Variants in UBE2G1 observed in about 807,000 individuals in gnomAD.
UBE2G1 encodes ubiquitin-conjugating enzyme E2 G1.
In UBE2G1, 5 loss-of-function variants were observed where a neutral mutation model predicts 22.7. The ratio of observed to expected loss-of-function variants is 0.22; its 90% CI spans 0.12 to 0.46. The LOEUF (loss-of-function observed/expected upper bound fraction) is 0.46. Ranked by LOEUF, UBE2G1 falls within the 20% of genes least tolerant of loss-of-function variation. UBE2G1 has a pLI of 0.99. For missense variants in UBE2G1, 88 were observed against 203.9 expected, an observed-to-expected ratio of 0.43 and a Z score of 3.46; for synonymous variants, 74 against 67.5, an observed-to-expected ratio of 1.10 and a Z score of -0.47.
At chr17:4,318,223 A>G (rs1567522393) in intron 1 of UBE2G1, among the ~76,000 whole-genome samples, 1 of 152,228 alleles carries the variant, frequency 6.6e-6, no homozygotes, top group South Asian at 2.1e-4. Flanking sequence ...ATTGCTCATT[A>G]ATTAGGCTAC....
intron 1 of UBE2G1, among the ~76,000 whole-genome samples, chr17:4,353,812 A>ATTTTT (rs11437680): frequency 2.9e-5 from 3 of 104,846 alleles, no homozygotes; most frequent in Admixed American, 1.1e-4. Flanking sequence ...GCCCGGTCAA[A>ATTTTT]TTTTTTTTTT....
intron 2 of UBE2G1, among the ~76,000 whole-genome samples, chr17:4,306,461 T>C (rs924782266): frequency 1.3e-5 from 2 of 152,048 alleles, no homozygotes; most frequent in African/African-American, 2.4e-5. Flanking sequence ...AGTGCTGGGA[T>C]TGCAGGCATG....
At chr17:4,319,774 T>C (rs1440913325) in intron 1 of UBE2G1, among the ~76,000 whole-genome samples, 2 of 150,522 alleles carry the variant, frequency 1.3e-5, no homozygotes, top group Non-Finnish European at 3.0e-5. Flanking sequence ...CCAAATAAGA[T>C]GGTAATACAC....
chr17:4,324,052 G>A (rs1410683318), intron 1 of UBE2G1, among the ~76,000 whole-genome samples: 1 of 152,214 alleles, frequency 6.6e-6, no homozygotes, highest in African/African-American at 2.4e-5. Flanking sequence ...CCAGTAAAAA[G>A]AGATAATGCA....
intron 4 of UBE2G1, among the ~76,000 whole-genome samples, chr17:4,287,436 G>C (rs962463946): frequency 2.1e-4 from 32 of 152,046 alleles, no homozygotes; most frequent in Admixed American, 1.3e-3. Flanking sequence ...GCTGATAGTT[G>C]AGCATGAACC....
rs201344105 is a variant in UBE2G1, at chr17:4,278,546, CAAGCTAGCATACTATACTCTG to C, written c.*37+4231_*37+4251del. On this transcript the variant is annotated intron_variant, in intron 5 of 5. Coordinates refer to ENST00000396981, the MANE Select transcript of UBE2G1 (RefSeq NM_003342.5). ...TGTGGCCCGCAGGCTGCAGGCTGGA[CAAGCTAGCATACTATACTCTG>C]AATATCAGACAGATGAGTGAAATAT... Among the ~76,000 whole-genome samples, 1,057 of 152,322 alleles carry C rather than the reference CAAGCTAGCATACTATACTCTG, an allele frequency of 6.9e-3. 31 individuals are homozygous for C. Among genetic ancestry groups the C allele is most frequent in the East Asian group, 0.057 (294 of 5,176 alleles).
intron 2 of UBE2G1, chr17:4,302,551 A>C (rs1368790385): frequency 2.6e-6 from 1 of 382,110 alleles, no homozygotes; most frequent in Non-Finnish European, 5.2e-6. Context: ...ACACTGGGGG[A>C]TATTTGTTTT....
intron 2 of UBE2G1, chr17:4,301,603 G>A (rs778556954): frequency 1.4e-5 from 17 of 1,185,148 alleles, no homozygotes; most frequent in Admixed American, 3.4e-5. Context: ...TTAAAAGACC[G>A]AGTATTTGGA....
intron 2 of UBE2G1, chr17:4,302,359 G>A (rs1395554499): frequency 4.1e-6 from 2 of 484,534 alleles, no homozygotes; most frequent in African/African-American, 4.0e-5. Flanking sequence ...TTTATGATGT[G>A]GAGCCCTTGG....
chr17:4,320,741 G>A (rs1206037253), intron 1 of UBE2G1, among the ~76,000 whole-genome samples: 3 of 152,082 alleles, frequency 2.0e-5, no homozygotes, highest in Non-Finnish European at 4.4e-5. Flanking sequence ...AATTTGCTGT[G>A]TATTCTTTCA....
chr17:4,271,641 G>C lies in UBE2G1; in HGVS notation c.*913C>G, dbSNP rs1456575310. On this transcript the variant is annotated 3_prime_UTR_variant, in exon 6 of 6. Coordinates refer to ENST00000396981, the MANE Select transcript of UBE2G1 (RefSeq NM_003342.5). The stretch of plus-strand genomic sequence containing the variant: ...TTGTAATAGCAAACCCAGAAGTTAA[G>C]TAGAAAGCCTGTAGCTGTGCATGCT... The C allele has an allele frequency of 2.0e-5, 3 of 149,334 alleles. No homozygotes were observed. The highest frequency in any genetic ancestry group is 7.5e-5 in the African/African-American group (3 of 40,216). 9.3% of individuals were successfully genotyped at this position (149,334 alleles called of 1,614,324 possible).
At chr17:4,355,611 C>A (rs1278287407) in intron 1 of UBE2G1, among the ~76,000 whole-genome samples, 2 of 143,654 alleles carry the variant, frequency 1.4e-5, no homozygotes, top group African/African-American at 2.6e-5. Flanking sequence ...CACTACACTC[C>A]AGCCTGGGCA....
chr17:4,314,948 T>C (rs768258837), intron 1 of UBE2G1, among the ~76,000 whole-genome samples: 15 of 152,230 alleles, frequency 9.9e-5, no homozygotes, highest in Non-Finnish European at 2.1e-4. Flanking sequence ...ATTCAAACTT[T>C]TTTTAAATTT....
intron 1 of UBE2G1, among the ~76,000 whole-genome samples, chr17:4,325,993 A>C (rs1393193141): frequency 6.6e-6 from 1 of 152,204 alleles, no homozygotes; most frequent in Non-Finnish European, 1.5e-5. Context: ...CTTAAACGTA[A>C]GAGCTAAAAC....
rs1285312947 is a variant in UBE2G1, at chr17:4,270,761, G to A, written c.*1793C>T. 1 of 151,976 alleles carries A rather than the reference G, an allele frequency of 6.6e-6. No individual in the cohort carries two copies. The highest frequency in any genetic ancestry group is 1.5e-5 in the Non-Finnish European group (1 of 67,988). The allele number at this position is 151,976 out of a possible 1,614,324, so 9.4% of individuals were successfully genotyped here. ...TATAAGGTTTGTGGGTTTGTATAAT[G>A]TTTACAGGTTTTTATAACGCTTCAG... On this transcript the variant is annotated 3_prime_UTR_variant, in exon 6 of 6. Transcript: ENST00000396981.
chr17:4,359,275 G>C (rs896934983), intron 1 of UBE2G1, among the ~76,000 whole-genome samples: 3 of 152,110 alleles, frequency 2.0e-5, no homozygotes, highest in Admixed American at 6.5e-5. Context: ...AAAAATTTAA[G>C]GTCTTTGTTT....
chr17:4,334,211 G>A (rs777497953), intron 1 of UBE2G1, among the ~76,000 whole-genome samples: 1 of 151,440 alleles, frequency 6.6e-6, no homozygotes, highest in Non-Finnish European at 1.5e-5. Flanking sequence ...ACAGGCATAA[G>A]CCACCATGCA....
intron 1 of UBE2G1, among the ~76,000 whole-genome samples, chr17:4,326,884 C>T (rs1314064959): frequency 6.6e-6 from 1 of 152,246 alleles, no homozygotes; most frequent in Non-Finnish European, 1.5e-5. Flanking sequence ...ACCTTGCAGC[C>T]AGGTGCAGTG....
At chr17:4,345,654 C>T (rs959223934) in intron 1 of UBE2G1, 3 of 152,162 alleles carry the variant, frequency 2.0e-5, no homozygotes, top group Non-Finnish European at 4.4e-5. Context: ...GTCATAGTAA[C>T]GAGAGATATC....
Sources: gnomAD v4.1 joint callset for allele counts (sites outside exome capture counted in the v4.1 genomes callset) on GRCh38, gnomAD v4.1.1 for gene constraint, MANE v1.5 for transcripts, NCBI Gene and HGNC (gene_info 2026-07-23, HGNC 2026-07-21) for gene names.